Variants in SYNE1 observed in about 807,000 individuals in gnomAD.
SYNE1 encodes the protein spectrin repeat containing nuclear envelope protein 1.
SYNE1 carries 616 observed loss-of-function variants against 1,111.0 expected under a neutral mutation model. The observed-to-expected ratio is 0.55, with a 90% CI of 0.52 to 0.59. The LOEUF is 0.59. SYNE1 is among the 20% of genes least tolerant of loss of function. The pLI is 0.00. For missense variants in SYNE1, 10,006 were observed against 10,417.0 expected, an observed-to-expected ratio of 0.96 and a Z score of 1.72; for synonymous variants, 3,855 against 3,825.8, an observed-to-expected ratio of 1.01 and a Z score of -0.28.
intron 59 of SYNE1, among the ~76,000 whole-genome samples, chr6:152,372,261 T>G (rs983446434): frequency 6.6e-6 from 1 of 152,166 alleles, no homozygotes; most frequent in Non-Finnish European, 1.5e-5. Context: ...GAAAAAACAG[T>G]CACCATTACA....
At chr6:152,138,878 C>G (rs1440425087) in intron 140 of SYNE1, among the ~76,000 whole-genome samples, 1 of 152,188 alleles carries the variant, frequency 6.6e-6, no homozygotes, top group Non-Finnish European at 1.5e-5. Context: ...TTAAGGTGTA[C>G]TATATCCATG....
chr6:152,478,276 A>G (rs1024258043), intron 14 of SYNE1, among the ~76,000 whole-genome samples: 7 of 152,222 alleles, frequency 4.6e-5, no homozygotes, highest in African/African-American at 1.7e-4. Flanking sequence ...TCTCTCAAAG[A>G]GCTTTGCTGT....
At position 152,243,460 on chromosome 6, in the gene SYNE1, C is replaced by T. The variant is rs188543774; in HGVS notation, c.19693-1020G>A. 1.3e-3 allele frequency among the ~76,000 whole-genome samples: 193 copies of T among 152,246 alleles called. 1 individual carries two copies. Among genetic ancestry groups the T allele is most frequent in the African/African-American group, 4.5e-3 (187 of 41,554 alleles). On this transcript the variant is annotated intron_variant, in intron 106 of 145. Coordinates refer to ENST00000367255, the MANE Select transcript of SYNE1 (RefSeq NM_182961.4). ...AAACACAAAATTTATTTGAGGCATA[C>T]GGACCTGATTAACATATCACATTAA...
rs746876731 is a variant in SYNE1 at position 152,354,797 on chromosome 6, C to A, written c.10788G>T (p.Val3596=). 6 of 1,614,170 alleles carry A rather than the reference C, an allele frequency of 3.7e-6. No homozygotes were observed. Among genetic ancestry groups the A allele is most frequent in the Non-Finnish European group, 3.4e-6 (4 of 1,180,046 alleles). The part of the protein sequence containing the change: ...LSETRTQFNN[V]VNKLRLMEQK... ...GCTCCATTAGCCTCAATTTGTTCAC[C>A]ACGTTATTGAACTGAGTTCGAGTCT... Residue 3596 remains valine (V), a synonymous_variant, in exon 67 of 146, where the codon GTG becomes GTT. Coordinates refer to ENST00000367255, the MANE Select transcript of SYNE1 (RefSeq NM_182961.4).
chr6:152,441,360 G>T, intron 31 of SYNE1, 90 bp from the exon 32 acceptor site: 1 of 1,380,784 alleles, frequency 7.2e-7, no homozygotes, highest in Non-Finnish European at 1.0e-6. Context: ...TCAACTTTCA[G>T]CGAATTCTCA....
chr6:152,375,484 A>G (rs1044085906), intron 58 of SYNE1, among the ~76,000 whole-genome samples: 1 of 152,248 alleles, frequency 6.6e-6, no homozygotes, highest in Non-Finnish European at 1.5e-5. Context: ...ATGAGCGGAC[A>G]TACAGGTACG....
chr6:152,588,783 A>G (rs2099548452), intron 3 of SYNE1, among the ~76,000 whole-genome samples: 1 of 152,122 alleles, frequency 6.6e-6, no homozygotes, highest in Admixed American at 6.6e-5. Flanking sequence ...TTCACCCTGC[A>G]TCCAAAAGAG....
intron 86 of SYNE1, 81 bp downstream of exon 86, chr6:152,318,000 T>A: frequency 6.5e-7 from 1 of 1,550,364 alleles, no homozygotes; most frequent in Non-Finnish European, 8.9e-7. Context: ...TTTATTTATG[T>A]TAATTTATTT....
chr6:152,277,390 G>C (rs1331727238), intron 98 of SYNE1: 4 of 142,604 alleles, frequency 2.8e-5, no homozygotes, highest in Non-Finnish European at 4.5e-5. Flanking sequence ...CAATTCTCCT[G>C]CCTCAGCCTC....
chr6:152,336,530 A>G (rs999587155), intron 76 of SYNE1: 16 of 414,742 alleles, frequency 3.9e-5, no homozygotes, highest in South Asian at 3.4e-4. Flanking sequence ...TGCAACCTAG[A>G]TCCCTTGCAT....
chr6:152,606,976 C>CTTTTTTTTTTTTTT lies in SYNE1; in HGVS notation c.67+21288_67+21289insAAAAAAAAAAAAAA, dbSNP rs11387272. Among the ~76,000 whole-genome samples the CTTTTTTTTTTTTTT allele has an allele frequency of 6.3e-4, 69 of 109,120 alleles. 5 individuals are homozygous for CTTTTTTTTTTTTTT. Among genetic ancestry groups the CTTTTTTTTTTTTTT allele is most frequent in the African/African-American group, 2.5e-3 (68 of 26,796 alleles). 71.6% of individuals were successfully genotyped at this position (109,120 alleles called of 152,430 possible). A position where few individuals can be genotyped will look rare whatever the true frequency, so the allele number is the denominator to read the frequency against. ...GCAAAAGGAAAGGCATGCCTCGGTTCTCTTTTTTTTTTTTTTTTTTTTTTT... is the reference window on the plus strand; with the variant it reads ...GCAAAAGGAAAGGCATGCCTCGGTTCTTTTTTTTTTTTTTTCTTTTTTTTTTTTTTTTTTTTTTT... On this transcript the variant is annotated intron_variant, in intron 3 of 145. Coordinates refer to ENST00000367255, the MANE Select transcript of SYNE1 (RefSeq NM_182961.4).
intron 11 of SYNE1, among the ~76,000 whole-genome samples, chr6:152,495,029 C>T (rs1443478693): frequency 6.6e-6 from 1 of 152,210 alleles, no homozygotes; most frequent in Non-Finnish European, 1.5e-5. Flanking sequence ...AGCCTTACAG[C>T]TCATTCCATT....
At chr6:152,359,739 T>C (rs950673024) in intron 64 of SYNE1, among the ~76,000 whole-genome samples, 1 of 152,062 alleles carries the variant, frequency 6.6e-6, no homozygotes, top group Non-Finnish European at 1.5e-5. Context: ...TTCAAACTGA[T>C]TATGTCCAGA....
intron 63 of SYNE1, among the ~76,000 whole-genome samples, chr6:152,363,270 G>T (rs1281673394): frequency 6.7e-6 from 1 of 148,228 alleles, no homozygotes; most frequent in Non-Finnish European, 1.5e-5. Flanking sequence ...CAAGGCGGGT[G>T]GATCACGAGG....
intron 4 of SYNE1, among the ~76,000 whole-genome samples, chr6:152,534,161 A>AAAAT (rs1215416255): frequency 2.1e-4 from 32 of 149,712 alleles, no homozygotes; most frequent in African/African-American, 7.9e-4. Flanking sequence ...CTGTCTCAAA[A>AAAAT]AAATAAATAA....
At chr6:152,143,332 A>T (rs184629269) in intron 138 of SYNE1, among the ~76,000 whole-genome samples, 2 of 152,340 alleles carry the variant, frequency 1.3e-5, no homozygotes, top group Admixed American at 1.3e-4. Context: ...ATGCCTAATG[A>T]CTTTTGGGAG....
chr6:152,364,789 G>A (rs539476028), intron 63 of SYNE1, 58 bp downstream of exon 63: 2 of 1,606,988 alleles, frequency 1.2e-6, no homozygotes, highest in African/African-American at 1.3e-5. Flanking sequence ...CTGTTCAGTA[G>A]TATTATATTG....
intron 124 of SYNE1, among the ~76,000 whole-genome samples, chr6:152,210,947 T>G (rs555137366): frequency 1.2e-4 from 18 of 152,192 alleles, no homozygotes; most frequent in Non-Finnish European, 2.5e-4. Context: ...CACAGAATTC[T>G]CATGGCATGA....
intron 81 of SYNE1, 73 bp downstream of exon 81, chr6:152,325,011 C>A (rs2153948099): frequency 1.3e-6 from 2 of 1,557,708 alleles, no homozygotes; most frequent in African/African-American, 1.4e-5. Flanking sequence ...CAAAAAGGGG[C>A]AAAATACTGT....
Sources: gnomAD v4.1 joint callset for allele counts (sites outside exome capture counted in the v4.1 genomes callset) on GRCh38, gnomAD v4.1.1 for gene constraint, MANE v1.5 for transcripts, NCBI Gene and HGNC (gene_info 2026-07-23, HGNC 2026-07-21) for gene names.